The following PCDH15 variants were observed in gnomAD, a reference collection of about 807,000 sequenced individuals.
PCDH15 encodes protocadherin related 15.
A neutral mutation model predicts 178.5 loss-of-function variants in PCDH15; 129 were observed. The ratio of observed to expected loss-of-function variants is 0.72; its 90% CI spans 0.63 to 0.84. The LOEUF (loss-of-function observed/expected upper bound fraction) is 0.84. PCDH15 is among the 40% of genes least tolerant of loss of function. PCDH15 has a pLI of 0.00. For synonymous variants in PCDH15, 800 were observed against 732.0 expected, an observed-to-expected ratio of 1.09 and a Z score of -1.50; for missense variants, 2,230 against 2,099.9, an observed-to-expected ratio of 1.06 and a Z score of -1.21.
intron 18 of PCDH15, among the ~76,000 whole-genome samples, chr10:54,029,340 A>C (rs2093222832): frequency 6.6e-6 from 1 of 152,230 alleles, no homozygotes; most frequent in African/African-American, 2.4e-5. Context: ...TTTGTTAATA[A>C]GAAAAATAAC....
chr10:54,740,180 G>A (rs536564104), intron 1 of PCDH15, among the ~76,000 whole-genome samples: 14 of 151,882 alleles, frequency 9.2e-5, no homozygotes, highest in Admixed American at 5.9e-4. Context: ...ACTCAAATAA[G>A]ACAATGGTAA....
chr10:54,339,669 C>T (rs866187596), intron 6 of PCDH15, among the ~76,000 whole-genome samples: 3 of 152,268 alleles, frequency 2.0e-5, no homozygotes, highest in South Asian at 4.1e-4. Flanking sequence ...CTCCTAGGCT[C>T]ATCTGTATAC....
intron 26 of PCDH15, among the ~76,000 whole-genome samples, chr10:53,867,631 G>A (rs2079548242): frequency 6.6e-6 from 1 of 152,046 alleles, no homozygotes; most frequent in South Asian, 2.1e-4. Context: ...GATCCAAATT[G>A]GTTGAAAGAT....
At position 55,365,202 on chromosome 10, in the gene PCDH15, G is replaced by A. The variant is rs1007070306; in HGVS notation, c.-155-198551C>T. Among the ~76,000 whole-genome samples, 37 of 152,258 alleles carry A rather than the reference G, an allele frequency of 2.4e-4. No homozygotes were observed. The South Asian group carries it at 7.7e-3, about 32-fold the overall frequency. On this transcript the variant is annotated intron_variant, in intron 2 of 5. Coordinates refer to the PCDH15 transcript ENST00000613346. ...GCCAGAATAGAAGATGGCCCACCAT[G>A]CACCCCAGGGACAGACTTAACTCAT... is the stretch of plus-strand genomic sequence containing the variant.
chr10:53,903,505 T>C, intron 25 of PCDH15, 135 bp from the exon 26 acceptor site: 1 of 928,844 alleles, frequency 1.1e-6, no homozygotes, highest in South Asian at 1.4e-5. Context: ...ATGCCATGCC[T>C]AGCACCCCCA....
chr10:55,093,613 C>A (rs368902243), intron 2 of PCDH15, among the ~76,000 whole-genome samples: 1 of 151,916 alleles, frequency 6.6e-6, no homozygotes, highest in East Asian at 1.9e-4. Flanking sequence ...GGTTTTAGGT[C>A]TAACATTTAA....
intron 3 of PCDH15, among the ~76,000 whole-genome samples, chr10:54,399,791 T>A (rs1308887985): frequency 6.6e-6 from 1 of 152,038 alleles, no homozygotes; most frequent in East Asian, 1.9e-4. Context: ...CAAAAGTTAG[T>A]GACCAGAAGA....
At chr10:54,068,142 T>A (rs894893552) in intron 17 of PCDH15, among the ~76,000 whole-genome samples, 1 of 152,078 alleles carries the variant, frequency 6.6e-6, no homozygotes, top group Non-Finnish European at 1.5e-5. Flanking sequence ...ATTTAGGTGA[T>A]CTGCCCTTAT....
intron 1 of PCDH15, among the ~76,000 whole-genome samples, chr10:55,221,850 T>C (rs142553997): frequency 1.3e-5 from 2 of 151,872 alleles, no homozygotes; most frequent in East Asian, 3.9e-4. Context: ...ATTGTTTCTA[T>C]AATTTATTTA....
chr10:54,469,049 G>A (rs1589575413), intron 3 of PCDH15, among the ~76,000 whole-genome samples: 1 of 152,046 alleles, frequency 6.6e-6, no homozygotes, highest in Admixed American at 6.6e-5. Flanking sequence ...GGTGAGATGT[G>A]TTCCTTGTAG....
chr10:55,157,670 C>A (rs1296730890), intron 2 of PCDH15, among the ~76,000 whole-genome samples: 1 of 151,764 alleles, frequency 6.6e-6, no homozygotes, highest in Non-Finnish European at 1.5e-5. Context: ...ATGGATGAAG[C>A]TGGAAACCAT....
intron 21 of PCDH15, among the ~76,000 whole-genome samples, chr10:53,964,499 TTTTA>T (rs2088776710): frequency 7.3e-6 from 1 of 136,124 alleles, no homozygotes; most frequent in South Asian, 2.3e-4. Context: ...TTTATAAAAA[TTTTA>T]TTTATAAATT....
intron 20 of PCDH15, among the ~76,000 whole-genome samples, chr10:54,006,408 C>T (rs1241564980): frequency 1.3e-5 from 2 of 152,172 alleles, no homozygotes; most frequent in Admixed American, 6.5e-5. Context: ...CATACACCAA[C>T]TAGCTGGTTC....
intron 2 of PCDH15, among the ~76,000 whole-genome samples, chr10:55,448,601 C>A (rs7910793): frequency 6.6e-6 from 1 of 151,392 alleles, no homozygotes; most frequent in Non-Finnish European, 1.5e-5. Context: ...TTGCAGACAT[C>A]TGAATGGTGA....
At chr10:54,378,110 A>G (rs1012329287) in intron 4 of PCDH15, among the ~76,000 whole-genome samples, 8 of 151,956 alleles carry the variant, frequency 5.3e-5, no homozygotes, top group Non-Finnish European at 1.0e-4. Flanking sequence ...TTTTTTGTCA[A>G]GACAGAGTCT....
At chr10:54,074,499 CTG>C (rs1295638031) in intron 17 of PCDH15, among the ~76,000 whole-genome samples, 3 of 152,134 alleles carry the variant, frequency 2.0e-5, no homozygotes, top group Non-Finnish European at 2.9e-5. Context: ...CAAGATTTAT[CTG>C]TGATATAGTG....
At chr10:54,800,108 T>C (rs113195973) in intron 1 of PCDH15, among the ~76,000 whole-genome samples, 2 of 152,294 alleles carry the variant, frequency 1.3e-5, no homozygotes, top group African/African-American at 4.8e-5. Context: ...ACAATGGCTT[T>C]CTGCATACGT....
chr10:55,210,909 A>C (rs1256581041), intron 1 of PCDH15, among the ~76,000 whole-genome samples: 1 of 151,958 alleles, frequency 6.6e-6, no homozygotes, highest in Non-Finnish European at 1.5e-5. Flanking sequence ...TACAGGCGTG[A>C]ACCACCGTGT....
At chr10:55,494,726 CCT>C (rs1236269314) in intron 2 of PCDH15, among the ~76,000 whole-genome samples, 2 of 151,764 alleles carry the variant, frequency 1.3e-5, no homozygotes, top group Admixed American at 6.6e-5. Flanking sequence ...CTACTCCATT[CCT>C]CTCTCTTTTG....
Sources: gnomAD v4.1 joint callset for allele counts (sites outside exome capture counted in the v4.1 genomes callset) on GRCh38, gnomAD v4.1.1 for gene constraint, MANE v1.5 for transcripts, NCBI Gene and HGNC (gene_info 2026-07-23, HGNC 2026-07-21) for gene names.